KBTBD7: variants seen among roughly 807,000 people sequenced by gnomAD.
KBTBD7 encodes kelch repeat and BTB domain containing 7, also known as kelch repeat and BTB domain-containing protein 7.
KBTBD7 carries 25 observed loss-of-function variants against 50.3 expected under a neutral mutation model. The ratio of observed to expected loss-of-function variants is 0.50; its 90% CI spans 0.36 to 0.69. The LOEUF (loss-of-function observed/expected upper bound fraction) is 0.69, where lower values mean the gene tolerates loss of function less well. Among genes scored for constraint, KBTBD7 ranks in the 30% least tolerant of loss-of-function variants. The probability of loss-of-function intolerance (pLI) is 0.00; values close to 1 mark genes in which losing one functional copy is unlikely to be tolerated. For missense variants in KBTBD7, 653 were observed against 869.5 expected (o/e 0.75, Z 3.13); for synonymous variants, 305 against 325.3 (o/e 0.94, Z 0.67).
rs751435876 is a variant in KBTBD7 at position 41,193,378 on chromosome 13, C to T, written c.880G>A (p.Val294Ile). Residue 294 changes from valine to isoleucine, a missense_variant, in exon 1 of 1, where the codon GTT becomes ATT. Physicochemically the swap from Val to Ile is conservative, Grantham distance 29. Coordinates refer to ENST00000379483, the MANE Select transcript of KBTBD7 (RefSeq NM_032138.7). This position sits in a 1 kb window ranked among gnomAD's most constrained non-coding sequence, Gnocchi z 5.7. Reference sequence around the variant, plus strand: ...CGCATCTGCAGGGCCCCTTCAATAACGTCCAGGCAGTACTTCTTCACGATG... The same window carrying T: ...CGCATCTGCAGGGCCCCTTCAATAATGTCCAGGCAGTACTTCTTCACGATG... ...KPIVKKYCLD[V>I]IEGALQMRYG... The T allele has an allele frequency of 3.5e-5, 57 of 1,613,102 alleles. No individual in the cohort carries two copies. Among genetic ancestry groups the T allele is most frequent in the Admixed American group, 6.7e-5 (4 of 59,978 alleles).
At position 41,192,199 on chromosome 13, in the gene KBTBD7, C is replaced by G. The variant is rs184785913; in HGVS notation, c.*4G>C. On this transcript the variant is annotated 3_prime_UTR_variant, in exon 1 of 1. Transcript: ENST00000379483. ...AGAAACATCTTAGTGTCTCAAAATA[C>G]TATTTACAAAGAACCCTGCTGATCC... 5 of 1,598,276 alleles carry G rather than the reference C, an allele frequency of 3.1e-6. No homozygotes were observed. Among genetic ancestry groups the G allele is most frequent in the South Asian group, 2.2e-5 (2 of 89,160 alleles).
chr13:41,194,514 C>G lies in KBTBD7; in HGVS notation c.-257G>C, dbSNP rs907700811. The stretch of plus-strand genomic sequence containing the variant: ...CTCACAGGACCCGCTGGCTTGCAGC[C>G]GCGGAAGCCCCCACTGCCGCGCTGG... On this transcript the variant is annotated 5_prime_UTR_variant, in exon 1 of 1. Transcript: ENST00000379483. 6 of 539,438 alleles carry G rather than the reference C, an allele frequency of 1.1e-5. No individual in the cohort carries two copies. The highest frequency in any genetic ancestry group is 2.0e-5 in the Non-Finnish European group (6 of 297,976). The allele number at this position is 539,438 out of a possible 1,614,324, so 33.4% of individuals were successfully genotyped here.
rs1168748006 is a variant in KBTBD7 at position 41,189,937 on chromosome 13, C to A, written c.*2266G>T. The A allele has an allele frequency of 6.6e-6, 1 of 152,156 alleles. No homozygotes were observed. Among genetic ancestry groups the A allele is most frequent in the Non-Finnish European group, 1.5e-5 (1 of 68,010 alleles). 9.4% of individuals were successfully genotyped at this position (152,156 alleles called of 1,614,324 possible). ...CTTAATTCACAAATAGATCACAAAA[C>A]CAAGATCCTTCCCAAGAAAACCTTA... is the stretch of plus-strand genomic sequence containing the variant. On this transcript the variant is annotated 3_prime_UTR_variant, in exon 1 of 1. Coordinates refer to ENST00000379483, the MANE Select transcript of KBTBD7 (RefSeq NM_032138.7).
chr13:41,193,009 G>A lies in KBTBD7; in HGVS notation c.1249C>T (p.Gln417Ter). ...VYKPAQNSWQ[Q>*]LADRLLCREG... ...CGACACAGCAAGCGATCTGCAAGTT[G>A]CTGCCAACTATTCTGAGCTGGTTTA... The change falls in exon 1 of 1, where the codon CAA becomes TAA. Residue 417 changes from glutamine (Q) to a stop codon, truncating the protein, a stop_gained. Transcript: ENST00000379483. LOFTEE classifies it high-confidence loss of function. The surrounding 1 kb of genome is among the most constrained non-coding windows in gnomAD (Gnocchi z 5.7). 1 of 1,614,198 alleles carries A rather than the reference G, an allele frequency of 6.2e-7. No individual in the cohort carries two copies. The highest frequency in any genetic ancestry group is 1.1e-5 in the South Asian group (1 of 91,086).
At position 41,193,339 on chromosome 13, in the gene KBTBD7, A is replaced by G. The variant is rs952613214; in HGVS notation, c.919T>C (p.Leu307=). 1 of 1,611,642 alleles carries G rather than the reference A, an allele frequency of 6.2e-7. No individual in the cohort carries two copies. The highest frequency in any genetic ancestry group is 1.1e-5 in the South Asian group (1 of 91,018). Residue 307 remains leucine, a synonymous_variant, in exon 1 of 1, where the codon TTG becomes CTG. Coordinates refer to ENST00000379483, the MANE Select transcript of KBTBD7 (RefSeq NM_032138.7). This position sits in a 1 kb window ranked among gnomAD's most constrained non-coding sequence, Gnocchi z 5.7. Reference sequence around the variant, plus strand: ...GGCACTGGCACCAGAGACTTGTACAACAGGTCACCATAGCGCATCTGCAGG... The same window carrying G: ...GGCACTGGCACCAGAGACTTGTACAGCAGGTCACCATAGCGCATCTGCAGG... ...GALQMRYGDL[L]YKSLVPVPNS... is the part of the protein sequence containing the mutation.
At position 41,194,227 on chromosome 13, in the gene KBTBD7, G is replaced by C. The variant is rs1319845165; in HGVS notation, c.31C>G (p.Arg11Gly). ...CCACCACGGGGACTGGCGAGGCGGC[G>C]AGAGCGCGGGACGTCTTCCCGGGAC... is the stretch of plus-strand genomic sequence containing the variant. MQSREDVPRS[R>G]RLASPRGGRR... The change falls in exon 1 of 1, where the codon CGC becomes GGC. Residue 11 changes from arginine to glycine, a missense_variant. Around this residue, in one of 3 missense-constraint regions of KBTBD7, gnomAD observed 119 missense variants for 125.0 expected, o/e 0.95. Transcript: ENST00000379483. 2 of 1,614,076 alleles carry C rather than the reference G, an allele frequency of 1.2e-6. No individual in the cohort carries two copies.
Position 41,192,605 on chromosome 13 carries a change from A to T in KBTBD7, c.1653T>A (p.Pro551=). The T allele has an allele frequency of 1.2e-6, 2 of 1,614,220 alleles. No individual in the cohort carries two copies. The highest frequency in any genetic ancestry group is 1.7e-6 in the Non-Finnish European group (2 of 1,180,044). ...GGTAGTTGTGGGTCTCTGAATCCAA[A>T]GGAATATTACTAATCCGCCTCCATT... ...RGEWRRISNI[P]LDSETHNYQI... Residue 551 remains proline (P), a synonymous_variant, in exon 1 of 1, where the codon CCT becomes CCA. Transcript: ENST00000379483.
At position 41,190,137 on chromosome 13, in the gene KBTBD7, AACAAAAAGCT is replaced by A. The variant is rs1247852604; in HGVS notation, c.*2056_*2065del. On this transcript the variant is annotated 3_prime_UTR_variant, in exon 1 of 1. Transcript: ENST00000379483. ...CATTGCCATCTCTCAATTTTTACAA[AACAAAAAGCT>A]ACCAACAAGAAGTTAATGGTGAAGA... 3.3e-5 allele frequency: 5 copies of A among 152,210 alleles called. No homozygotes were observed. Among genetic ancestry groups the A allele is most frequent in the African/African-American group, 4.8e-5 (2 of 41,454 alleles). 9.4% of individuals were successfully genotyped at this position (152,210 alleles called of 1,614,324 possible). A position where few individuals can be genotyped will look rare whatever the true frequency, so the allele number is the denominator to read the frequency against.
At position 41,193,146 on chromosome 13, in the gene KBTBD7, G is replaced by T; in HGVS notation, c.1112C>A (p.Ser371Tyr). The change falls in exon 1 of 1, where the codon TCC becomes TAC. Residue 371 changes from serine to tyrosine, a missense_variant. Coordinates refer to ENST00000379483, the MANE Select transcript of KBTBD7 (RefSeq NM_032138.7). This position sits in a 1 kb window ranked among gnomAD's most constrained non-coding sequence, Gnocchi z 5.7. ...PYSGDIYTMP[S>Y]PLTSFAHTKT... is the part of the protein sequence containing the mutation. ...AGTGTGAGCAAAGCTGGTCAAAGGG[G>T]ATGGCATTGTGTAAATGTCCCCCGA... 1 of 1,614,218 alleles carries T rather than the reference G, an allele frequency of 6.2e-7. No homozygotes were observed. Among genetic ancestry groups the T allele is most frequent in the Middle Eastern group, 1.6e-4 (1 of 6,062 alleles).
rs2031401690 is a variant in KBTBD7, at chr13:41,192,068, G to A, written c.*135C>T. On this transcript the variant is annotated 3_prime_UTR_variant, in exon 1 of 1. Transcript: ENST00000379483. Reference sequence around the variant, plus strand: ...CGATTTCATGGACTGTCTAAACCTTGTAGTATTTCAAAATATTACCCTTTC... The same window carrying A: ...CGATTTCATGGACTGTCTAAACCTTATAGTATTTCAAAATATTACCCTTTC... The A allele has an allele frequency of 2.6e-6, 2 of 783,688 alleles. No homozygotes were observed. Among genetic ancestry groups the A allele is most frequent in the Non-Finnish European group, 2.1e-6 (1 of 475,134 alleles). The allele number at this position is 783,688 out of a possible 1,614,324, so 48.5% of individuals were successfully genotyped here. A position where few individuals can be genotyped will look rare whatever the true frequency, so the allele number is the denominator to read the frequency against.
rs1206275963 is a variant in KBTBD7 at position 41,191,552 on chromosome 13, CTTTTTTTTT to C, written c.*642_*650del. 2.0e-5 allele frequency: 1 copy of C among 50,858 alleles called. No homozygotes were observed. The highest frequency in any genetic ancestry group is 4.0e-4 in the East Asian group (1 of 2,470). The allele number at this position is 50,858 out of a possible 1,614,324, so 3.2% of individuals were successfully genotyped here. Reference sequence around the variant, plus strand: ...TAAAACAGTGGAATCCTGATTTTTTCTTTTTTTTTTTTTTTTTTTTTACTTTCTGTGAGC... The same window carrying C: ...TAAAACAGTGGAATCCTGATTTTTTCTTTTTTTTTTTTACTTTCTGTGAGC... On this transcript the variant is annotated 3_prime_UTR_variant, in exon 1 of 1. Transcript: ENST00000379483.
rs748144890 is a variant in KBTBD7 at position 41,193,216 on chromosome 13, A to G, written c.1042T>C (p.Phe348Leu). Residue 348 changes from phenylalanine to leucine, a missense_variant, in exon 1 of 1, where the codon TTC (phenylalanine) becomes CTC (leucine). By Grantham distance (22) the Phe-to-Leu change is conservative. Coordinates refer to ENST00000379483, the MANE Select transcript of KBTBD7 (RefSeq NM_032138.7). This position sits in a 1 kb window ranked among gnomAD's most constrained non-coding sequence, Gnocchi z 5.7. The stretch of plus-strand genomic sequence containing the variant: ...AAGGGATCTCTAGGATGTCCAAAGA[A>G]GATCACCATCTCCTTGGCACACATA... ...LGMCAKEMVIFFGHPRDPFLC... is the reference protein window; with the variant it reads ...LGMCAKEMVILFGHPRDPFLC... 1 of 1,613,988 alleles carries G rather than the reference A, an allele frequency of 6.2e-7. No homozygotes were observed. Among genetic ancestry groups the G allele is most frequent in the South Asian group, 1.1e-5 (1 of 91,062 alleles).
In KBTBD7 at chr13:41,192,384, G is replaced by A; in HGVS notation, c.1874C>T (p.Pro625Leu). 6.2e-7 allele frequency: 1 copy of A among 1,614,140 alleles called. No individual in the cohort carries two copies. Among genetic ancestry groups the A allele is most frequent in the Non-Finnish European group, 8.5e-7 (1 of 1,180,014 alleles). ...CARVYPSCLE[P>L]GQSFITEEDD... Reference sequence around the variant, plus strand: ...TTCCTCAGTAATAAAACTCTGACCAGGTTCAAGGCAGGAAGGATAAACACG... The same window carrying A: ...TTCCTCAGTAATAAAACTCTGACCAAGTTCAAGGCAGGAAGGATAAACACG... Residue 625 changes from proline to leucine, a missense_variant, in exon 1 of 1, where the codon CCT becomes CTT. Physicochemically the swap from Pro to Leu is moderately conservative, Grantham distance 98. Around this residue, in one of 3 missense-constraint regions of KBTBD7, gnomAD observed 526 missense variants for 717.1 expected, o/e 0.73. Coordinates refer to ENST00000379483, the MANE Select transcript of KBTBD7 (RefSeq NM_032138.7).
rs2031433109 is a variant in KBTBD7, at chr13:41,193,076, G to A, written c.1182C>T (p.Asp394=). 3.7e-6 allele frequency: 6 copies of A among 1,614,222 alleles called. No homozygotes were observed. Among genetic ancestry groups the A allele is most frequent in the African/African-American group, 1.3e-5 (1 of 75,050 alleles). The change falls in exon 1 of 1, where the codon GAC becomes GAT. Residue 394 remains aspartate, a synonymous_variant. Transcript: ENST00000379483. The surrounding 1 kb of genome is among the most constrained non-coding windows in gnomAD (Gnocchi z 5.7). The stretch of plus-strand genomic sequence containing the variant: ...TCCTGGGCTGAGCAGCTAGATAGAT[G>A]TCATGGTCTGGGGACACACAGACAG... ...SSAVCVSPDH[D]IYLAAQPRKD...
At position 41,194,224 on chromosome 13, in the gene KBTBD7, G is replaced by A. The variant is rs2031474537; in HGVS notation, c.34C>T (p.Arg12Cys). 6.2e-7 allele frequency: 1 copy of A among 1,614,088 alleles called. No homozygotes were observed. Among genetic ancestry groups the A allele is most frequent in the African/African-American group, 1.3e-5 (1 of 75,060 alleles). Reference protein sequence around the residue: ...QSREDVPRSRRLASPRGGRRP... With the variant: ...QSREDVPRSRCLASPRGGRRP... Reference sequence around the variant, plus strand: ...CTCCCACCACGGGGACTGGCGAGGCGGCGAGAGCGCGGGACGTCTTCCCGG... The same window carrying A: ...CTCCCACCACGGGGACTGGCGAGGCAGCGAGAGCGCGGGACGTCTTCCCGG... Residue 12 changes from arginine (R) to cysteine (C), a missense_variant, in exon 1 of 1, where the codon CGC becomes TGC. Coordinates refer to ENST00000379483, the MANE Select transcript of KBTBD7 (RefSeq NM_032138.7).
Position 41,193,067 on chromosome 13 carries a change from T to C in KBTBD7, c.1191A>G (p.Leu397=). 2.5e-6 allele frequency: 4 copies of C among 1,614,168 alleles called. No homozygotes were observed. The highest frequency in any genetic ancestry group is 3.4e-6 in the Non-Finnish European group (4 of 1,180,034). ...VCVSPDHDIY[L]AAQPRKDLWV... is the part of the protein sequence containing the mutation. ...AGAGGTCTTTCCTGGGCTGAGCAGC[T>C]AGATAGATGTCATGGTCTGGGGACA... The change falls in exon 1 of 1, where the codon CTA becomes CTG. Residue 397 remains leucine (L), a synonymous_variant. Transcript: ENST00000379483. The surrounding 1 kb of genome is among the most constrained non-coding windows in gnomAD (Gnocchi z 5.7).
rs1593477451 is a variant in KBTBD7 at position 41,191,600 on chromosome 13, C to A, written c.*603G>T. On this transcript the variant is annotated 3_prime_UTR_variant, in exon 1 of 1. Coordinates refer to ENST00000379483, the MANE Select transcript of KBTBD7 (RefSeq NM_032138.7). ...CTTTCTGTGAGCTTATGAGGCCATT[C>A]TGCACATTATCAAAATGAAATCATT... is the stretch of plus-strand genomic sequence containing the variant. 1 of 123,684 alleles carries A rather than the reference C, an allele frequency of 8.1e-6. No individual in the cohort carries two copies. The highest frequency in any genetic ancestry group is 1.6e-5 in the Non-Finnish European group (1 of 61,634). 7.7% of individuals were successfully genotyped at this position (123,684 alleles called of 1,614,324 possible).
In KBTBD7 at chr13:41,194,522, C is replaced by A; in HGVS notation, c.-265G>T. ...ACCCGCTGGCTTGCAGCCGCGGAAG[C>A]CCCCACTGCCGCGCTGGCGATCCCG... is the stretch of plus-strand genomic sequence containing the variant. On this transcript the variant is annotated 5_prime_UTR_variant, in exon 1 of 1. Coordinates refer to ENST00000379483, the MANE Select transcript of KBTBD7 (RefSeq NM_032138.7). The A allele has an allele frequency of 1.9e-6, 1 of 537,210 alleles. No individual in the cohort carries two copies. Among genetic ancestry groups the A allele is most frequent in the Non-Finnish European group, 3.4e-6 (1 of 294,856 alleles). 33.3% of individuals were successfully genotyped at this position (537,210 alleles called of 1,614,324 possible). A position where few individuals can be genotyped will look rare whatever the true frequency, so the allele number is the denominator to read the frequency against.
chr13:41,193,680 T>C lies in KBTBD7; in HGVS notation c.578A>G (p.Gln193Arg). 6.2e-7 allele frequency: 1 copy of C among 1,614,216 alleles called. No individual in the cohort carries two copies. Among genetic ancestry groups the C allele is most frequent in the Non-Finnish European group, 8.5e-7 (1 of 1,180,038 alleles). ...FDHHKLRSQA[Q>R]SYIAHNFKQL... ...CTTGAAGTTGTGAGCTATGTAGGACTGGGCCTGAGATCGAAGCTTGTGATG... is the reference window on the plus strand; with the variant it reads ...CTTGAAGTTGTGAGCTATGTAGGACCGGGCCTGAGATCGAAGCTTGTGATG... The change falls in exon 1 of 1, where the codon CAG (glutamine) becomes CGG (arginine). Residue 193 changes from glutamine to arginine, a missense_variant. Physicochemically the swap from Gln to Arg is conservative, Grantham distance 43. Around this residue, in one of 3 missense-constraint regions of KBTBD7, gnomAD observed 526 missense variants for 717.1 expected, o/e 0.73. Transcript: ENST00000379483. The surrounding 1 kb of genome is among the most constrained non-coding windows in gnomAD (Gnocchi z 5.7).
Sources: gnomAD v4.1 joint callset for allele counts on GRCh38, gnomAD v4.1.1 for gene constraint, gnomAD v4.1.1 regional missense constraint, Gnocchi (gnomAD v3.1) non-coding constraint, MANE v1.5 for transcripts, NCBI Gene and HGNC (gene_info 2026-07-23, HGNC 2026-07-21) for gene names.